Variants in MAP4K4 observed in about 807,000 individuals in gnomAD.
MAP4K4 encodes the protein HPK/GCK-like kinase HGK.
A neutral mutation model predicts 189.6 loss-of-function variants in MAP4K4; 38 were observed. That is an observed-to-expected ratio of 0.20 (90% confidence interval 0.15 to 0.26). MAP4K4 has a LOEUF of 0.26. Ranked by LOEUF, MAP4K4 falls within the 10% of genes least tolerant of loss-of-function variation. The pLI is 1.00. For missense variants in MAP4K4, 1,054 were observed against 1,726.9 expected, an observed-to-expected ratio of 0.61 and a Z score of 6.91; for synonymous variants, 610 against 624.3, an observed-to-expected ratio of 0.98 and a Z score of 0.34.
At chr2:101,854,337 C>A (rs1018072394) in intron 12 of MAP4K4, among the ~76,000 whole-genome samples, 11 of 152,134 alleles carry the variant, frequency 7.2e-5, no homozygotes, top group Non-Finnish European at 1.3e-4. Flanking sequence ...TTTTTAGATA[C>A]TAGAGCAGGA....
intron 28 of MAP4K4, among the ~76,000 whole-genome samples, chr2:101,882,959 T>C (rs1353720718): frequency 6.6e-6 from 1 of 152,216 alleles, no homozygotes; most frequent in Admixed American, 6.5e-5. Flanking sequence ...CTGTGCATCT[T>C]GTGAGAGTCT....
intron 20 of MAP4K4, chr2:101,867,704 A>G (rs2097856775): frequency 5.0e-6 from 2 of 402,606 alleles, no homozygotes; most frequent in African/African-American, 4.1e-5. Flanking sequence ...ATTCTTCGTG[A>G]GTTCAGCATT....
At position 101,869,645 on chromosome 2, in the gene MAP4K4, G is replaced by T. The variant is rs773558529; in HGVS notation, c.2487G>T (p.Glu829Asp). The T allele has an allele frequency of 5.1e-5, 82 of 1,610,288 alleles. No homozygotes were observed. Among genetic ancestry groups the T allele is most frequent in the Non-Finnish European group, 6.5e-5 (76 of 1,178,240 alleles). Reference sequence around the variant, plus strand: ...AGGATCTGACCGCACTGGCCAAAGAGCTTCGAGCAGTGGAAGATGTACGGC... The same window carrying T: ...AGGATCTGACCGCACTGGCCAAAGATCTTCGAGCAGTGGAAGATGTACGGC... Residue 829 changes from glutamate (E) to aspartate (D), a missense_variant, in exon 22 of 33, where the codon GAG (glutamate) becomes GAT (aspartate). By Grantham distance (45) the Glu-to-Asp change is conservative. Around this residue, in one of 4 missense-constraint regions of MAP4K4, gnomAD observed 646 missense variants for 796.2 expected, o/e 0.81. Coordinates refer to ENST00000324219, the Ensembl canonical transcript of MAP4K4.
chr2:101,763,198 G>A (rs2077211336), intron 2 of MAP4K4, among the ~76,000 whole-genome samples: 1 of 152,200 alleles, frequency 6.6e-6, no homozygotes. Context: ...GAAGAATCCG[G>A]TGAGACTGAG....
Position 101,842,619 on chromosome 2 carries a change from G to A in MAP4K4, c.960G>A (p.Glu320=), listed in dbSNP as rs369103675. 4.4e-6 allele frequency: 7 copies of A among 1,603,386 alleles called. No homozygotes were observed. In the African/African-American group the frequency reaches 8.0e-5, roughly 18 times the overall value. The stretch of plus-strand genomic sequence containing the variant: ...TCCTTTTCTTCATAGATGAAACTGA[G>A]TATGAGTACAGTGGGAGTGAGGAAG... The change falls in exon 11 of 33, where the codon GAG becomes GAA. Residue 320 remains glutamate, a synonymous_variant. Transcript: ENST00000324219.
chr2:101,844,189 C>G, exon 12 of MAP4K4: 2 of 1,610,228 alleles, frequency 1.2e-6, no homozygotes, highest in Non-Finnish European at 1.7e-6. Flanking sequence ...CGAGGCTCTT[C>G]GGAGACAACA....
At chr2:101,855,806 G>A (rs1272766070) in intron 12 of MAP4K4, among the ~76,000 whole-genome samples, 171 bp from the exon 13 acceptor site, 1 of 152,142 alleles carries the variant, frequency 6.6e-6, no homozygotes, top group Non-Finnish European at 1.5e-5. Flanking sequence ...TCATGAAGAA[G>A]CCCTTACTTA....
At chr2:101,790,042 G>A (rs1215690804) in intron 2 of MAP4K4, among the ~76,000 whole-genome samples, 1 of 152,102 alleles carries the variant, frequency 6.6e-6, no homozygotes, top group Non-Finnish European at 1.5e-5. Context: ...GAAGTTGGTG[G>A]GAGGAGGGAA....
intron 2 of MAP4K4, among the ~76,000 whole-genome samples, chr2:101,777,656 C>CT (rs1329104790): frequency 2.0e-5 from 3 of 152,320 alleles, no homozygotes; most frequent in East Asian, 1.9e-4. Flanking sequence ...TTCCCTGTAG[C>CT]TTATTTCCAT....
chr2:101,859,250 T>C (rs1319275965), intron 14 of MAP4K4, among the ~76,000 whole-genome samples, 168 bp downstream of exon 14: 2 of 152,182 alleles, frequency 1.3e-5, no homozygotes, highest in Non-Finnish European at 2.9e-5. Flanking sequence ...TGCAACATGG[T>C]CTTTATTTAT....
Position 101,808,401 on chromosome 2 carries a change from C to T in MAP4K4, c.181-15527C>T, listed in dbSNP as rs370667312. Among the ~76,000 whole-genome samples the T allele has an allele frequency of 2.0e-5, 3 of 152,170 alleles. No homozygotes were observed. In the East Asian group the frequency reaches 5.8e-4, roughly 29 times the overall value. ...TCTTGCTGCTTCAAGTGAGGTCGTGCTGGGTGGTGAATGTTTTCTTAACTG... is the reference window on the plus strand; with the variant it reads ...TCTTGCTGCTTCAAGTGAGGTCGTGTTGGGTGGTGAATGTTTTCTTAACTG... On this transcript the variant is annotated intron_variant, in intron 3 of 32. Coordinates refer to ENST00000324219, the Ensembl canonical transcript of MAP4K4.
intron 2 of MAP4K4, among the ~76,000 whole-genome samples, chr2:101,758,985 T>C (rs1050448218): frequency 1.3e-5 from 2 of 151,614 alleles, no homozygotes; most frequent in Admixed American, 1.3e-4. Flanking sequence ...TACAAAAAAT[T>C]AGCCGGGCGT....
At chr2:101,837,311 G>A (rs1204775382) in intron 9 of MAP4K4, among the ~76,000 whole-genome samples, 5 of 151,572 alleles carry the variant, frequency 3.3e-5, no homozygotes, top group African/African-American at 9.7e-5. Flanking sequence ...ATTGTTGCAC[G>A]CTGACACCCA....
chr2:101,733,479 G>T (rs1234481584), intron 2 of MAP4K4, among the ~76,000 whole-genome samples: 2 of 152,216 alleles, frequency 1.3e-5, no homozygotes, highest in East Asian at 3.8e-4. Context: ...CTGACAGCGG[G>T]AGATGAGCAG....
At position 101,859,530 on chromosome 2, in the gene MAP4K4, C is replaced by T. The variant is rs1042735926; in HGVS notation, c.1483-113C>T. On this transcript the variant is annotated intron_variant, in intron 14 of 32. Transcript: ENST00000324219. The stretch of plus-strand genomic sequence containing the variant: ...AAATCCCAGCCATTTTGCTTTCTTA[C>T]AAAACACAGAGGGAAAATATATGGT... 28 of 836,434 alleles carry T rather than the reference C, an allele frequency of 3.3e-5. No homozygotes were observed. In the East Asian group the frequency reaches 6.7e-4, roughly 20 times the overall value. 51.8% of individuals were successfully genotyped at this position (836,434 alleles called of 1,614,324 possible). A position where few individuals can be genotyped will look rare whatever the true frequency, so the allele number is the denominator to read the frequency against.
At chr2:101,861,842 C>G (rs756632508) in intron 16 of MAP4K4, 2 of 151,738 alleles carry the variant, frequency 1.3e-5, no homozygotes, top group East Asian at 1.9e-4. Flanking sequence ...TTCTTAAACT[C>G]GAGTTTACTT....
chr2:101,889,727 G>A (rs2098538664), intron 32 of MAP4K4, among the ~76,000 whole-genome samples: 1 of 152,214 alleles, frequency 6.6e-6, no homozygotes, highest in African/African-American at 2.4e-5. Context: ...TGGCCCTGAA[G>A]AACGTTTCCA....
intron 9 of MAP4K4, 63 bp from the exon 10 acceptor site, chr2:101,839,756 A>T: frequency 1.6e-6 from 2 of 1,246,158 alleles, no homozygotes; most frequent in Non-Finnish European, 2.2e-6. Context: ...CTTGTAAGTT[A>T]CTGATATTTT....
intron 2 of MAP4K4, among the ~76,000 whole-genome samples, chr2:101,790,095 A>G (rs1351367842): frequency 6.6e-6 from 1 of 152,194 alleles, no homozygotes; most frequent in African/African-American, 2.4e-5. Flanking sequence ...TCGTCATGTT[A>G]TGCTTTAGCT....
Sources: allele counts gnomAD v4.1 joint callset (sites outside exome capture counted in the v4.1 genomes callset), GRCh38; gene constraint gnomAD v4.1.1; regional missense constraint gnomAD v4.1.1; transcripts MANE v1.5; gene names NCBI Gene and HGNC (gene_info 2026-07-23, HGNC 2026-07-21).